Variants in UIMC1 observed in about 807,000 individuals in gnomAD.
UIMC1 encodes ubiquitin interaction motif containing 1.
In UIMC1, 42 loss-of-function variants were observed where a neutral mutation model predicts 84.9. That is an observed-to-expected ratio of 0.49 (90% CI 0.39 to 0.64). UIMC1 has a LOEUF of 0.64. Ranked by LOEUF, UIMC1 falls within the 30% of genes least tolerant of loss-of-function variation. UIMC1 has a pLI of 0.00. For missense variants in UIMC1, 825 were observed against 847.6 expected (o/e 0.97, Z 0.33); for synonymous variants, 281 against 293.0 (o/e 0.96, Z 0.42).
chr5:176,915,110 A>G (rs927011076), intron 10 of UIMC1, among the ~76,000 whole-genome samples: 1 of 152,192 alleles, frequency 6.6e-6, no homozygotes, highest in African/African-American at 2.4e-5. Context: ...AAAAAGAATT[A>G]ATTGATTCTA....
At chr5:177,008,363 T>G (rs1775463093), upstream of UIMC1, among the ~76,000 whole-genome samples, 1 of 152,134 alleles carries the variant, frequency 6.6e-6, no homozygotes, top group African/African-American at 2.4e-5. Flanking sequence ...GCTGGGACAT[T>G]CGATCTCCCA....
intron 11 of UIMC1, among the ~76,000 whole-genome samples, chr5:176,910,070 A>T (rs1430608304): frequency 6.6e-6 from 1 of 152,240 alleles, no homozygotes; most frequent in East Asian, 1.9e-4. Flanking sequence ...GGGGATATAA[A>T]CATGAACTAA....
intron 1 of UIMC1, among the ~76,000 whole-genome samples, chr5:176,985,641 G>C (rs551465281): frequency 3.3e-5 from 5 of 152,004 alleles, no homozygotes; most frequent in African/African-American, 1.2e-4. Flanking sequence ...GTCTCGCTCT[G>C]TCACCCAGGC....
At chr5:176,982,423 A>G in intron 2 of UIMC1, 46 bp downstream of exon 2, 1 of 1,581,208 alleles carries the variant, frequency 6.3e-7, no homozygotes, top group Non-Finnish European at 8.6e-7. Flanking sequence ...GTAAAGAAGC[A>G]TAGTTTGAGA....
exon 1 of UIMC1, chr5:177,022,583 G>C (rs1397363517): frequency 2.7e-6 from 2 of 744,510 alleles, no homozygotes; most frequent in Non-Finnish European, 4.1e-6. Flanking sequence ...AGGTACCAGA[G>C]GTAGCAAAGC....
At chr5:176,914,645 T>G (rs1267206286) in intron 10 of UIMC1, among the ~76,000 whole-genome samples, 1 of 152,194 alleles carries the variant, frequency 6.6e-6, no homozygotes, top group East Asian at 1.9e-4. Context: ...TGTTTGCCTC[T>G]GCGGAGGATG....
intron 2 of UIMC1, among the ~76,000 whole-genome samples, chr5:176,978,330 G>A (rs574370777): frequency 6.6e-6 from 1 of 152,034 alleles, no homozygotes; most frequent in Non-Finnish European, 1.5e-5. Context: ...CAGAGATGGC[G>A]CCACCGCACT....
chr5:176,969,613 C>T lies in UIMC1; in HGVS notation c.451G>A (p.Gly151Arg), dbSNP rs755165227. 1 of 1,614,112 alleles carries T rather than the reference C, an allele frequency of 6.2e-7. No individual in the cohort carries two copies. Among genetic ancestry groups the T allele is most frequent in the Non-Finnish European group, 8.5e-7 (1 of 1,180,010 alleles). ...QSHQEKTTDS[G>R]LTEGIWQLVP... ...CAGGGAGACATGCCTTCAGTGAGCC[C>T]AGAGTCTGTGGTTTTCTCTTGATGG... The change falls in exon 5 of 15, where the codon GGG (glycine) becomes AGG (arginine). Residue 151 changes from glycine to arginine, a missense_variant. Transcript: ENST00000511320.
chr5:177,020,133 T>C (rs923626168), intron 1 of UIMC1, among the ~76,000 whole-genome samples: 1 of 152,356 alleles, frequency 6.6e-6, no homozygotes, highest in East Asian at 1.9e-4. Context: ...TGTCTCTCTT[T>C]GGCCTCCTCT....
chr5:176,978,175 T>C (rs1011852253), intron 2 of UIMC1, among the ~76,000 whole-genome samples: 14 of 151,672 alleles, frequency 9.2e-5, no homozygotes, highest in African/African-American at 3.1e-4. Context: ...ATCGAGACCA[T>C]CCTGGCTACC....
chr5:176,935,127 A>G (rs1763573556), intron 10 of UIMC1, among the ~76,000 whole-genome samples: 1 of 152,232 alleles, frequency 6.6e-6, no homozygotes, highest in Non-Finnish European at 1.5e-5. Context: ...GTTGAAAAAA[A>G]TGCTGTTCCA....
intron 9 of UIMC1, 50 bp from the exon 10 acceptor site, chr5:176,943,538 C>A: frequency 6.3e-7 from 1 of 1,590,718 alleles, no homozygotes; most frequent in Non-Finnish European, 8.6e-7. Context: ...TCATATCATT[C>A]CCTACAACGA....
chr5:176,999,294 TA>T (rs1272037910), intron 1 of UIMC1, among the ~76,000 whole-genome samples: 1 of 152,192 alleles, frequency 6.6e-6, no homozygotes, highest in Non-Finnish European at 1.5e-5. Context: ...TGTGGGTACA[TA>T]GGTGCATATA....
chr5:176,935,393 C>T (rs1763606437), intron 10 of UIMC1, among the ~76,000 whole-genome samples: 1 of 152,122 alleles, frequency 6.6e-6, no homozygotes, highest in African/African-American at 2.4e-5. Flanking sequence ...ATTTGTATGT[C>T]CCTTAGTAGT....
At position 176,990,057 on chromosome 5, in the gene UIMC1, T is replaced by C. The variant is rs1209337687; in HGVS notation, c.-8-7434A>G. On this transcript the variant is annotated intron_variant, in intron 1 of 14. Transcript: ENST00000511320. ...TTAGCCAGGCGTGGTGGCGGGAGCC[T>C]GTAGCCCCAGCTACTCGGGAGGCTG... Among the ~76,000 whole-genome samples, 3 of 151,898 alleles carry C rather than the reference T, an allele frequency of 2.0e-5. No individual in the cohort carries two copies. In the East Asian group the frequency reaches 5.8e-4, roughly 29 times the overall value.
At chr5:176,922,965 C>T (rs878903509) in intron 10 of UIMC1, among the ~76,000 whole-genome samples, 5 of 152,152 alleles carry the variant, frequency 3.3e-5, no homozygotes, top group Admixed American at 2.6e-4. Context: ...GCAAAGAAGG[C>T]AGTCTGGCAT....
chr5:176,916,339 C>T (rs1447759141), intron 10 of UIMC1, among the ~76,000 whole-genome samples: 1 of 152,184 alleles, frequency 6.6e-6, no homozygotes. Context: ...AAACATATGA[C>T]CATTACCTCA....
chr5:176,929,975 G>C (rs1762890503), intron 10 of UIMC1, among the ~76,000 whole-genome samples: 1 of 152,204 alleles, frequency 6.6e-6, no homozygotes, highest in Non-Finnish European at 1.5e-5. Context: ...GACTGAATTT[G>C]TCTGAACTTC....
At position 176,968,572 on chromosome 5, in the gene UIMC1, T is replaced by G; in HGVS notation, c.1183A>C (p.Thr395Pro). The G allele has an allele frequency of 6.2e-7, 1 of 1,610,726 alleles. No individual in the cohort carries two copies. Among genetic ancestry groups the G allele is most frequent in the South Asian group, 1.1e-5 (1 of 90,564 alleles). ...ACCCTTACCTGACCATGACTGGTTG[T>G]TGGTTCTTCCTCCAACAAAAGTTTC... ...KEKLLLEEEP[T>P]TSHGQSSQGI... Residue 395 changes from threonine (T) to proline (P), a missense_variant, in exon 6 of 15, where the codon ACA becomes CCA. By Grantham distance (38) the Thr-to-Pro change is conservative. Transcript: ENST00000511320.
Sources: allele counts gnomAD v4.1 joint callset (sites outside exome capture counted in the v4.1 genomes callset), GRCh38; gene constraint gnomAD v4.1.1; transcripts MANE v1.5; gene names NCBI Gene and HGNC (gene_info 2026-07-23, HGNC 2026-07-21).